EML1: variants seen among roughly 807,000 people sequenced by gnomAD.
EML1 encodes echinoderm microtubule-associated protein-like 1.
EML1 carries 27 observed loss-of-function variants against 110.4 expected under a neutral mutation model. That is an observed-to-expected ratio of 0.24 (90% CI 0.18 to 0.34). The LOEUF is 0.34. EML1 is among the 10% of genes least tolerant of loss of function. The pLI is 1.00. For synonymous variants in EML1, 344 were observed against 385.8 expected (o/e 0.89, Z 1.27); for missense variants, 741 against 1,030.9 (o/e 0.72, Z 3.85).
At chr14:99,857,423 T>C (rs2058922409) in intron 2 of EML1, among the ~76,000 whole-genome samples, 1 of 152,224 alleles carries the variant, frequency 6.6e-6, no homozygotes, top group Non-Finnish European at 1.5e-5. Flanking sequence ...AATAGCAGTT[T>C]TATTGAAATA....
intron 1 of EML1, among the ~76,000 whole-genome samples, chr14:99,750,263 C>T (rs2057160787): frequency 6.6e-6 from 1 of 152,154 alleles, no homozygotes; most frequent in Admixed American, 6.5e-5. Flanking sequence ...CCTGGTGGCC[C>T]CCGGATGTTC....
intron 2 of EML1, among the ~76,000 whole-genome samples, chr14:99,854,510 C>A (rs141079880): frequency 6.6e-6 from 1 of 152,204 alleles, no homozygotes; most frequent in African/African-American, 2.4e-5. Context: ...CCTGTCCCTG[C>A]GGTTGGCCTG....
At chr14:99,775,057 G>A (rs1249602121) in intron 1 of EML1, among the ~76,000 whole-genome samples, 3 of 152,188 alleles carry the variant, frequency 2.0e-5, no homozygotes, top group Admixed American at 1.3e-4. Context: ...ATACTGACAT[G>A]CATTTGAATA....
chr14:99,751,325 G>A (rs2057172347), intron 1 of EML1, among the ~76,000 whole-genome samples: 1 of 152,150 alleles, frequency 6.6e-6, no homozygotes. Flanking sequence ...GCACAAGTGG[G>A]AGGTAACAAG....
At chr14:99,861,347 A>T (rs1455259945) in intron 2 of EML1, among the ~76,000 whole-genome samples, 1 of 152,250 alleles carries the variant, frequency 6.6e-6, no homozygotes, top group African/African-American at 2.4e-5. Context: ...GAGAGAAGGA[A>T]GATTGGCCCT....
chr14:99,938,898 G>A (rs1392931664), intron 20 of EML1, among the ~76,000 whole-genome samples: 1 of 152,222 alleles, frequency 6.6e-6, no homozygotes, highest in Non-Finnish European at 1.5e-5. Context: ...TGGGGTTCCT[G>A]GTACTGTCTG....
At chr14:99,920,687 T>A (rs1248972700) in intron 16 of EML1, 102 bp from the exon 17 acceptor site, 2 of 916,738 alleles carry the variant, frequency 2.2e-6, no homozygotes, top group African/African-American at 3.4e-5. Context: ...TCTGAGTATT[T>A]ATTAAGCTTT....
chr14:99,839,605 C>A (rs1179510762), intron 1 of EML1, among the ~76,000 whole-genome samples: 2 of 152,182 alleles, frequency 1.3e-5, no homozygotes, highest in African/African-American at 4.8e-5. Flanking sequence ...TGTAAAAGAT[C>A]TTTATACCAT....
chr14:99,862,447 C>A (rs558198105), intron 2 of EML1, among the ~76,000 whole-genome samples: 1 of 152,186 alleles, frequency 6.6e-6, no homozygotes, highest in African/African-American at 2.4e-5. Flanking sequence ...ATTTTACCTT[C>A]TTGAGGGTGG....
At chr14:99,922,972 C>G (rs534605211) in intron 17 of EML1, among the ~76,000 whole-genome samples, 2 of 152,262 alleles carry the variant, frequency 1.3e-5, no homozygotes, top group African/African-American at 4.8e-5. Context: ...GAGACAGCAT[C>G]TCACTCTGTC....
intron 1 of EML1, among the ~76,000 whole-genome samples, chr14:99,801,414 G>C (rs1256663858): frequency 6.6e-6 from 1 of 152,152 alleles, no homozygotes; most frequent in Non-Finnish European, 1.5e-5. Flanking sequence ...AGGAGATCGA[G>C]ACCATCCTGG....
In EML1 at chr14:99,862,308, T is replaced by C. The variant is rs372440774; in HGVS notation, c.251-3206T>C. Among the ~76,000 whole-genome samples the C allele has an allele frequency of 7.9e-4, 121 of 152,342 alleles. 1 individual carries two copies. Among genetic ancestry groups the C allele is most frequent in the African/African-American group, 2.8e-3 (117 of 41,584 alleles). ...TGGCTCATCACTGTGGTTGTTGACC[T>C]TGGCCATCTGGCTGAGGGGGTGTTG... On this transcript the variant is annotated intron_variant, in intron 2 of 21. Transcript: ENST00000262233.
At chr14:99,747,543 A>G (rs1371233847) in intron 1 of EML1, among the ~76,000 whole-genome samples, 1 of 152,116 alleles carries the variant, frequency 6.6e-6, no homozygotes, top group African/African-American at 2.4e-5. Context: ...TGGATGTCCT[A>G]TGGGTGAGGG....
upstream of EML1, among the ~76,000 whole-genome samples, chr14:99,790,552 G>C (rs559945270): frequency 6.6e-6 from 1 of 152,262 alleles, no homozygotes; most frequent in South Asian, 2.1e-4. Context: ...TCCTTTTCAA[G>C]TTCAGAAATA....
Position 99,910,233 on chromosome 14 carries a change from A to C in EML1, c.1240-9A>C, listed in dbSNP as rs2059924680. 1.3e-6 allele frequency: 2 copies of C among 1,596,014 alleles called. No individual in the cohort carries two copies. Among genetic ancestry groups the C allele is most frequent in the African/African-American group, 2.7e-5 (2 of 74,094 alleles). On this transcript the variant is annotated splice_polypyrimidine_tract_variant and intron_variant, in intron 11 of 21. Coordinates refer to ENST00000262233, the MANE Select transcript of EML1 (RefSeq NM_004434.3). ...AATATATATATAATTTTTTTACTAC[A>C]TTCTACAGAAACAAGAAAAGCCAAA... is the stretch of plus-strand genomic sequence containing the variant.
intron 1 of EML1, among the ~76,000 whole-genome samples, chr14:99,798,294 TCTTAA>T (rs2057812201): frequency 6.6e-6 from 1 of 152,224 alleles, no homozygotes; most frequent in Non-Finnish European, 1.5e-5. Flanking sequence ...TGTATTTCTT[TCTTAA>T]CTTGATACAA....
In EML1 at chr14:99,940,030, A is replaced by G. The variant is rs1160068688; in HGVS notation, c.2366A>G (p.Asn789Ser). 6.2e-7 allele frequency: 1 copy of G among 1,602,876 alleles called. No individual in the cohort carries two copies. The highest frequency in any genetic ancestry group is 1.7e-5 in the Admixed American group (1 of 58,270). Reference protein sequence around the residue: ...IYGGHSSHVTNVDFLCEDSHL... With the variant: ...IYGGHSSHVTSVDFLCEDSHL... ...GGCGGGCACAGCAGCCATGTCACCA[A>G]TGTCGATTTCCTCTGTGAAGACAGC... Residue 789 changes from asparagine (N) to serine (S), a missense_variant, in exon 22 of 22, where the codon AAT becomes AGT. Asn to Ser is a conservative substitution (Grantham distance 46). This residue lies in a region of EML1 where 114 missense variants were observed against 122.5 expected (regional missense o/e 0.93). Coordinates refer to ENST00000262233, the MANE Select transcript of EML1 (RefSeq NM_004434.3).
At chr14:99,788,194 C>T (rs1397179981) in intron 1 of EML1, among the ~76,000 whole-genome samples, 1 of 152,134 alleles carries the variant, frequency 6.6e-6, no homozygotes, top group Non-Finnish European at 1.5e-5. Context: ...AATCTGAAAT[C>T]CTTCCACCTA....
intron 17 of EML1, among the ~76,000 whole-genome samples, chr14:99,924,468 A>G (rs1375603372): frequency 6.6e-6 from 1 of 152,350 alleles, no homozygotes; most frequent in African/African-American, 2.4e-5. Flanking sequence ...TAAATCAGGT[A>G]CAGTAAGAGA....
Sources: allele counts gnomAD v4.1 joint callset (sites outside exome capture counted in the v4.1 genomes callset), GRCh38; gene constraint gnomAD v4.1.1; regional missense constraint gnomAD v4.1.1; transcripts MANE v1.5; gene names NCBI Gene and HGNC (gene_info 2026-07-23, HGNC 2026-07-21).